The following TMEM160 variants were observed in gnomAD, a reference collection of about 807,000 sequenced individuals.
TMEM160 encodes the protein transmembrane protein 160.
A neutral mutation model predicts 13.9 loss-of-function variants in TMEM160; 10 were observed. The observed-to-expected ratio is 0.72, with a 90% CI of 0.45 to 1.22. TMEM160 has a LOEUF of 1.22. TMEM160 is among the 50% of genes most tolerant of loss of function. TMEM160 has a pLI of 0.00. For missense variants in TMEM160, 287 were observed against 283.2 expected, an observed-to-expected ratio of 1.01 and a Z score of -0.10; for synonymous variants, 159 against 134.8, an observed-to-expected ratio of 1.18 and a Z score of -1.25.
intron 2 of TMEM160, 35 bp downstream of exon 2, chr19:47,046,558 G>T: frequency 6.4e-7 from 1 of 1,563,924 alleles, no homozygotes. Flanking sequence ...TGCATTCCCT[G>T]GTTCCGTGGG....
chr19:47,046,352 G>A (rs1248455703), intron 2 of TMEM160, 100 bp from the exon 3 acceptor site: 7 of 1,372,196 alleles, frequency 5.1e-6, no homozygotes, highest in Non-Finnish European at 5.8e-6. Context: ...GCCGTGCCAG[G>A]GGCTAGCCTG....
At chr19:47,047,598 C>A (rs771937892) in intron 1 of TMEM160, 151 of 984,780 alleles carry the variant, frequency 1.5e-4, no homozygotes, top group Non-Finnish European at 1.8e-4. Flanking sequence ...CACCTATAAT[C>A]CCAGCACTTT....
chr19:47,048,312 G>A, intron 1 of TMEM160, 95 bp downstream of exon 1: 1 of 1,131,758 alleles, frequency 8.8e-7, no homozygotes, highest in Non-Finnish European at 1.2e-6. Context: ...CCGAGCCCGG[G>A]CCCCGTTTCC....
intron 1 of TMEM160, chr19:47,047,494 A>G (rs544172289): frequency 1.0e-6 from 1 of 985,284 alleles, no homozygotes; most frequent in Admixed American, 6.2e-5. Flanking sequence ...GCCTGGGCCA[A>G]TCCCACCCAC....
chr19:47,047,678 C>T, intron 1 of TMEM160: 2 of 723,696 alleles, frequency 2.8e-6, no homozygotes, highest in Non-Finnish European at 3.4e-6. Flanking sequence ...AGCAAGACCC[C>T]GTCTCTACAT....
intron 1 of TMEM160, among the ~76,000 whole-genome samples, chr19:47,047,164 C>T (rs2057084941): frequency 6.6e-6 from 1 of 152,188 alleles, no homozygotes; most frequent in African/African-American, 2.4e-5. Context: ...GAGCCAAGAT[C>T]ATGCCACTGC....
rs1441924579 is a variant in TMEM160, at chr19:47,048,536, G to A, written c.79C>T (p.Arg27Trp). 1.3e-6 allele frequency: 2 copies of A among 1,497,428 alleles called. No homozygotes were observed. Among genetic ancestry groups the A allele is most frequent in the African/African-American group, 1.5e-5 (1 of 68,862 alleles). The allele number at this position is 1,497,428 out of a possible 1,614,324, so 92.8% of individuals were successfully genotyped here. A position where few individuals can be genotyped will look rare whatever the true frequency, so the allele number is the denominator to read the frequency against. The stretch of plus-strand genomic sequence containing the variant: ...CCCCGGGCGCCCCCGCTCCGGGGCC[G>A]CTGAGGCGGCAGTAGCGACCTCCGG... ...RFRRSLLPPQ[R>W]PRSGGARGSF... The change falls in exon 1 of 3, where the codon CGG becomes TGG. Residue 27 changes from arginine to tryptophan, a missense_variant. Transcript: ENST00000253047.
chr19:47,048,007 C>A, intron 1 of TMEM160: 1 of 869,620 alleles, frequency 1.1e-6, no homozygotes, highest in Non-Finnish European at 1.4e-6. Context: ...TCCTGAACTT[C>A]CCCCTCTTCT....
At position 47,046,028 on chromosome 19, in the gene TMEM160, C is replaced by A. The variant is rs1480685523; in HGVS notation, c.526G>T (p.Ala176Ser). 2.6e-6 allele frequency: 4 copies of A among 1,549,512 alleles called. No individual in the cohort carries two copies. Among genetic ancestry groups the A allele is most frequent in the South Asian group, 1.2e-5 (1 of 84,912 alleles). The part of the protein sequence containing the change: ...LVPEDDGTAS[A>S]EGPDEAGRPP... ...CGACCCGCCTCATCAGGGCCTTCCG[C>A]GGAGGCCGTCCCGTCGTCCTCGGGC... The change falls in exon 3 of 3, where the codon GCG becomes TCG. Residue 176 changes from alanine (A) to serine (S), a missense_variant. Transcript: ENST00000253047.
chr19:47,046,749 AC>A, intron 1 of TMEM160, 64 bp from the exon 2 acceptor site: 3 of 1,224,848 alleles, frequency 2.4e-6, no homozygotes, highest in Non-Finnish European at 2.4e-6. Context: ...AATCCCCCTT[AC>A]CCAGTCAAAC....
intron 1 of TMEM160, 51 bp downstream of exon 1, chr19:47,048,356 G>A (rs1483988542): frequency 4.3e-6 from 6 of 1,393,174 alleles, no homozygotes; most frequent in South Asian, 2.7e-5. Flanking sequence ...GGTCCCACGC[G>A]AGCCCGGGAC....
intron 2 of TMEM160, 110 bp from the exon 3 acceptor site, chr19:47,046,362 G>T: frequency 2.3e-6 from 3 of 1,319,404 alleles, no homozygotes; most frequent in Non-Finnish European, 3.0e-6. Flanking sequence ...GGGCTAGCCT[G>T]CATCTTTGAG....
In TMEM160 at chr19:47,048,298, G is replaced by A. The variant is rs766812147; in HGVS notation, c.208+109C>T. The A allele has an allele frequency of 2.4e-5, 24 of 1,019,886 alleles. 1 individual carries two copies. The South Asian group carries it at 3.2e-4, about 14-fold the overall frequency. 63.2% of individuals were successfully genotyped at this position (1,019,886 alleles called of 1,614,324 possible). ...GTGCGCTCACACTGAAGCCCTTCTCGGAGCCGAGCCCGGGCCCCGTTTCCT... is the reference window on the plus strand; with the variant it reads ...GTGCGCTCACACTGAAGCCCTTCTCAGAGCCGAGCCCGGGCCCCGTTTCCT... On this transcript the variant is annotated intron_variant, in intron 1 of 2. Transcript: ENST00000253047.
At chr19:47,048,312 G>T (rs2057091817) in intron 1 of TMEM160, 95 bp downstream of exon 1, 2 of 1,131,756 alleles carry the variant, frequency 1.8e-6, no homozygotes, top group Non-Finnish European at 2.4e-6. Context: ...CCGAGCCCGG[G>T]CCCCGTTTCC....
In TMEM160 at chr19:47,046,036, GT is replaced by G. The variant is rs1308420114; in HGVS notation, c.517del (p.Thr173ArgfsTer36). On this transcript the variant is annotated frameshift_variant, in exon 3 of 3. Transcript: ENST00000253047. LOFTEE classifies it high-confidence loss of function. The part of the protein sequence containing the change: ...DVELVPEDDG[T>X]ASAEGPDEAG... ...CTCATCAGGGCCTTCCGCGGAGGCC[GT>G]CCCGTCGTCCTCGGGCACCAGCTCC... 1 of 1,548,866 alleles carries G rather than the reference GT, an allele frequency of 6.5e-7. No homozygotes were observed. Among genetic ancestry groups the G allele is most frequent in the African/African-American group, 1.4e-5 (1 of 73,334 alleles).
intron 1 of TMEM160, chr19:47,047,676 C>T (rs2057088231): frequency 1.4e-6 from 1 of 729,864 alleles, no homozygotes; most frequent in Admixed American, 6.3e-5. Flanking sequence ...AAAGCAAGAC[C>T]CCGTCTCTAC....
At chr19:47,046,412 G>A (rs1322648176) in intron 2 of TMEM160, among the ~76,000 whole-genome samples, 160 bp from the exon 3 acceptor site, 1 of 152,106 alleles carries the variant, frequency 6.6e-6, no homozygotes, top group Non-Finnish European at 1.5e-5. Context: ...CATGTCCTGG[G>A]CCACCCATTC....
intron 1 of TMEM160, chr19:47,047,222 G>A (rs2057085362): frequency 1.0e-6 from 1 of 978,540 alleles, no homozygotes; most frequent in African/African-American, 1.8e-5. Flanking sequence ...AAAAAATAAA[G>A]GATTCAAGAT....
Position 47,048,435 on chromosome 19 carries a change from G to T in TMEM160, c.180C>A (p.Ala60=). ...PPVSELDRAD[A]WLLRKAHETA... The stretch of plus-strand genomic sequence containing the variant: ...TCTCGTGCGCTTTTCGGAGGAGCCA[G>T]GCGTCCGCACGATCCAGCTCGGACA... Residue 60 remains alanine (A), a synonymous_variant, in exon 1 of 3, where the codon GCC becomes GCA. Coordinates refer to ENST00000253047, the MANE Select transcript of TMEM160 (RefSeq NM_017854.2). 6.9e-7 allele frequency: 1 copy of T among 1,455,748 alleles called. No homozygotes were observed. The highest frequency in any genetic ancestry group is 1.4e-5 in the South Asian group (1 of 73,742). The allele number at this position is 1,455,748 out of a possible 1,614,324, so 90.2% of individuals were successfully genotyped here. A position where few individuals can be genotyped will look rare whatever the true frequency, so the allele number is the denominator to read the frequency against.
Sources: gnomAD v4.1 joint callset for allele counts (sites outside exome capture counted in the v4.1 genomes callset) on GRCh38, gnomAD v4.1.1 for gene constraint, MANE v1.5 for transcripts, NCBI Gene and HGNC (gene_info 2026-07-23, HGNC 2026-07-21) for gene names.